The following EXOSC1 variants were observed in gnomAD, a reference collection of about 807,000 sequenced individuals.
EXOSC1 encodes exosome component 1, also known as exosome complex component CSL4.
A neutral mutation model predicts 31.4 loss-of-function variants in EXOSC1; 27 were observed. The ratio of observed to expected loss-of-function variants is 0.86; its 90% CI spans 0.63 to 1.18. The LOEUF is 1.18. Ranked by LOEUF, EXOSC1 falls within the 50% of genes most tolerant of loss-of-function variation. EXOSC1 has a pLI of 0.00. For missense variants in EXOSC1, 228 were observed against 250.3 expected (o/e 0.91, Z 0.60); for synonymous variants, 84 against 89.5 (o/e 0.94, Z 0.35).
At position 97,436,429 on chromosome 10, in the gene EXOSC1, G is replaced by A. The variant is rs1395681404; in HGVS notation, c.*16C>T. The A allele has an allele frequency of 6.3e-7, 1 of 1,578,130 alleles. No individual in the cohort carries two copies. The highest frequency in any genetic ancestry group is 8.7e-7 in the Non-Finnish European group (1 of 1,148,044). ...AGGAACAGCTTACCCCCTTCCATAG[G>A]GTAAAAAGTGGCTTCTTAGGTCTGC... On this transcript the variant is annotated 3_prime_UTR_variant, in exon 8 of 8. Coordinates refer to ENST00000370902, the MANE Select transcript of EXOSC1 (RefSeq NM_016046.5).
intron 2 of EXOSC1, chr10:97,444,121 T>C (rs2133158432): frequency 6.6e-6 from 1 of 152,364 alleles, no homozygotes; most frequent in South Asian, 2.1e-4. Context: ...TCCAAAGTTA[T>C]ACTGCTTCCT....
intron 2 of EXOSC1, 31 bp downstream of exon 2, chr10:97,445,701 C>T (rs1564792457): frequency 1.2e-6 from 2 of 1,605,384 alleles, no homozygotes; most frequent in East Asian, 2.2e-5. Context: ...AAGGGAAAAA[C>T]AGAGGGGAGA....
rs111511939 is a variant in EXOSC1 at position 97,443,293 on chromosome 10, C to T, written c.166G>A (p.Val56Met). 5.8e-5 allele frequency: 93 copies of T among 1,614,124 alleles called. 1 individual carries two copies. The African/African-American group carries it at 6.4e-4, about 11-fold the overall frequency. ...ENGALPVVSV[V>M]RETESQLLPD... ...AGTAACTGGGACTCTGTTTCTCTCA[C>T]TACAGACACCACTGGAAGCTACAGA... The change falls in exon 3 of 8, where the codon GTG becomes ATG. Residue 56 changes from valine (V) to methionine (M), a missense_variant. By Grantham distance (21) the Val-to-Met change is conservative (BLOSUM62 1). Coordinates refer to ENST00000370902, the MANE Select transcript of EXOSC1 (RefSeq NM_016046.5).
In EXOSC1 at chr10:97,445,845, C is replaced by A. The variant is rs766425470; in HGVS notation, c.34G>T (p.Glu12Ter). Reference protein sequence around the residue: ...APPVRYCIPGERLCNLEEGSP... With the variant: ...APPVRYCIPG ...CCCTCCTCCAAGTTACACAGACGTT[C>A]GCCTGCAGAAAAAATGCTGCATCGG... Residue 12 changes from glutamate to a stop codon, truncating the protein, a stop_gained and splice_region_variant, in exon 2 of 8, where the codon GAA becomes TAA. Transcript: ENST00000370902. LOFTEE classifies it high-confidence loss of function. 3 of 1,613,864 alleles carry A rather than the reference C, an allele frequency of 1.9e-6. No homozygotes were observed. Among genetic ancestry groups the A allele is most frequent in the South Asian group, 1.1e-5 (1 of 91,072 alleles).
chr10:97,437,705 T>C lies in EXOSC1; in HGVS notation c.391A>G (p.Lys131Glu), dbSNP rs1020935235. The C allele has an allele frequency of 6.2e-7, 1 of 1,613,350 alleles. No homozygotes were observed. Among genetic ancestry groups the C allele is most frequent in the African/African-American group, 1.3e-5 (1 of 75,022 alleles). ...SFRPGDIVLA[K>E]VISLGDAQSN... ...CTGCTGGGAATAAAGGATACCACTT[T>C]GGCCAAGACAATGTCACCTGGGCGG... The change falls in exon 6 of 8, where the codon AAA (lysine) becomes GAA (glutamate). Residue 131 changes from lysine to glutamate, a missense_variant. Physicochemically the swap from Lys to Glu is moderately conservative, Grantham distance 56. Transcript: ENST00000370902.
In EXOSC1 at chr10:97,441,166, C is replaced by T. The variant is rs201814191; in HGVS notation, c.311+5G>A. On this transcript the variant is annotated splice_donor_5th_base_variant and intron_variant, in intron 4 of 7. Transcript: ENST00000370902. ...TAAGGTATATGTGAAAAGGATACTTCTTACCGGATAGTTCCTCGAAAAGAG... is the reference window on the plus strand; with the variant it reads ...TAAGGTATATGTGAAAAGGATACTTTTTACCGGATAGTTCCTCGAAAAGAG... 10 of 1,612,542 alleles carry T rather than the reference C, an allele frequency of 6.2e-6. No individual in the cohort carries two copies. In the Middle Eastern group the frequency reaches 6.6e-4, roughly 106 times the overall value.
intron 7 of EXOSC1, 51 bp downstream of exon 7, chr10:97,437,140 C>T: frequency 6.6e-7 from 1 of 1,507,748 alleles, no homozygotes; most frequent in African/African-American, 1.4e-5. Context: ...TGGATTTATC[C>T]CAAACCATAG....
intron 3 of EXOSC1, among the ~76,000 whole-genome samples, chr10:97,442,694 C>CT (rs922722871): frequency 1.1e-4 from 16 of 151,192 alleles, no homozygotes; most frequent in East Asian, 3.9e-4. Context: ...TCTTCTTCTT[C>CT]TTTTTTTTTG....
At position 97,437,244 on chromosome 10, in the gene EXOSC1, A is replaced by AGGTAGTT; in HGVS notation, c.421_427dup (p.Leu143GlnfsTer19). 6.2e-7 allele frequency: 1 copy of AGGTAGTT among 1,614,168 alleles called. No homozygotes were observed. Among genetic ancestry groups the AGGTAGTT allele is most frequent in the Admixed American group, 1.7e-5 (1 of 60,022 alleles). On this transcript the variant is annotated frameshift_variant, in exon 7 of 8. Coordinates refer to ENST00000370902, the MANE Select transcript of EXOSC1 (RefSeq NM_016046.5). LOFTEE classifies it high-confidence loss of function. Reference sequence around the variant, plus strand: ...CAGCTCGTTCTCGGCGGTGGTTAGCAGGTAGTTGGACTGTGCATCACCTAA... The same window carrying AGGTAGTT: ...CAGCTCGTTCTCGGCGGTGGTTAGCAGGTAGTTGGTAGTTGGACTGTGCATCACCTAA...
rs746024375 is a variant in EXOSC1 at position 97,445,975 on chromosome 10, G to C, written c.11C>G (p.Pro4Arg). Reference sequence around the variant, plus strand: ...CTTACCGGGGATGCAGTATCTCACAGGTGGCGCCATGATTGCCGCTGTCCC... The same window carrying C: ...CTTACCGGGGATGCAGTATCTCACACGTGGCGCCATGATTGCCGCTGTCCC... MAP[P>R]VRYCIPGERL... is the part of the protein sequence containing the mutation. Residue 4 changes from proline to arginine, a missense_variant, in exon 1 of 8, where the codon CCT (proline) becomes CGT (arginine). Coordinates refer to ENST00000370902, the MANE Select transcript of EXOSC1 (RefSeq NM_016046.5). 1.2e-6 allele frequency: 2 copies of C among 1,614,228 alleles called. No individual in the cohort carries two copies. Among genetic ancestry groups the C allele is most frequent in the South Asian group, 1.1e-5 (1 of 91,084 alleles).
chr10:97,441,958 C>T (rs1255359970), intron 3 of EXOSC1, among the ~76,000 whole-genome samples: 1 of 150,214 alleles, frequency 6.7e-6, no homozygotes, highest in African/African-American at 2.4e-5. Context: ...GGGCGCATCA[C>T]TTGAGGTCAG....
intron 3 of EXOSC1, 41 bp from the exon 4 acceptor site, chr10:97,441,300 T>C (rs778895718): frequency 6.4e-7 from 1 of 1,574,300 alleles, no homozygotes; most frequent in South Asian, 1.1e-5. Context: ...GTATAAGCAG[T>C]TGTCAGCTCA....
In EXOSC1 at chr10:97,436,319, C is replaced by T. The variant is rs1380573548; in HGVS notation, c.*126G>A. On this transcript the variant is annotated 3_prime_UTR_variant, in exon 8 of 8. Coordinates refer to ENST00000370902, the MANE Select transcript of EXOSC1 (RefSeq NM_016046.5). ...TCACAGAAACATGTTCCATCTACAGCGTAAACTGGAAGATTTTTCTGGAAG... is the reference window on the plus strand; with the variant it reads ...TCACAGAAACATGTTCCATCTACAGTGTAAACTGGAAGATTTTTCTGGAAG... 7 of 716,520 alleles carry T rather than the reference C, an allele frequency of 9.8e-6. No homozygotes were observed. The highest frequency in any genetic ancestry group is 9.2e-5 in the Admixed American group (4 of 43,674). The allele number at this position is 716,520 out of a possible 1,614,324, so 44.4% of individuals were successfully genotyped here.
intron 4 of EXOSC1, chr10:97,440,753 G>C (rs981474645): frequency 1.9e-5 from 3 of 154,218 alleles, no homozygotes; most frequent in African/African-American, 4.8e-5. Flanking sequence ...CCCTGACTTT[G>C]TGATCCACCC....
At chr10:97,441,082 A>T in intron 4 of EXOSC1, 89 bp downstream of exon 4, 1 of 1,058,248 alleles carries the variant, frequency 9.4e-7, no homozygotes, top group Non-Finnish European at 1.4e-6. Context: ...AAAAATAGGA[A>T]TTGTAACTGT....
At chr10:97,438,640 G>C (rs773216597) in intron 5 of EXOSC1, 30 bp downstream of exon 5, 2 of 1,599,908 alleles carry the variant, frequency 1.3e-6, no homozygotes, top group Non-Finnish European at 1.7e-6. Context: ...GATACGTAAA[G>C]CCATTAAAAA....
At chr10:97,437,921 G>T (rs538354105) in intron 5 of EXOSC1, among the ~76,000 whole-genome samples, 171 bp from the exon 6 acceptor site, 41 of 152,058 alleles carry the variant, frequency 2.7e-4, no homozygotes, top group Non-Finnish European at 4.7e-4. Flanking sequence ...TCATACAAAT[G>T]AAAATTTTTT....
In EXOSC1 at chr10:97,438,692, A is replaced by C; in HGVS notation, c.323T>G (p.Val108Gly). 6.2e-7 allele frequency: 1 copy of C among 1,610,312 alleles called. No homozygotes were observed. The highest frequency in any genetic ancestry group is 1.1e-5 in the South Asian group (1 of 90,552). The stretch of plus-strand genomic sequence containing the variant: ...AACCTTGTCTTTTTCAGTTGCTCGG[A>C]CATCTTCCTTGCTATAAAAAAAGAA... ...SFRGTIRKEDVRATEKDKVEI... is the reference protein window; with the variant it reads ...SFRGTIRKEDGRATEKDKVEI... The change falls in exon 5 of 8, where the codon GTC becomes GGC. Residue 108 changes from valine to glycine, a missense_variant. By Grantham distance (109) the Val-to-Gly change is moderately radical. Transcript: ENST00000370902.
chr10:97,437,249 G>T lies in EXOSC1; in HGVS notation c.423C>A (p.Asn141Lys). The change falls in exon 7 of 8, where the codon AAC becomes AAA. Residue 141 changes from asparagine to lysine, a missense_variant. Coordinates refer to ENST00000370902, the MANE Select transcript of EXOSC1 (RefSeq NM_016046.5). Reference protein sequence around the residue: ...KVISLGDAQSNYLLTTAENEL... With the variant: ...KVISLGDAQSKYLLTTAENEL... Reference sequence around the variant, plus strand: ...CGTTCTCGGCGGTGGTTAGCAGGTAGTTGGACTGTGCATCACCTAAGGAGA... The same window carrying T: ...CGTTCTCGGCGGTGGTTAGCAGGTATTTGGACTGTGCATCACCTAAGGAGA... The T allele has an allele frequency of 2.5e-6, 4 of 1,614,034 alleles. No homozygotes were observed. Among genetic ancestry groups the T allele is most frequent in the Non-Finnish European group, 3.4e-6 (4 of 1,179,982 alleles).
Sources: gnomAD v4.1 joint callset for allele counts (sites outside exome capture counted in the v4.1 genomes callset) on GRCh38, gnomAD v4.1.1 for gene constraint, MANE v1.5 for transcripts, NCBI Gene and HGNC (gene_info 2026-07-23, HGNC 2026-07-21) for gene names.